Variants in FOXN2 observed in about 807,000 individuals in gnomAD.
FOXN2 encodes the protein forkhead box N2.
In FOXN2, 19 loss-of-function variants were observed where a neutral mutation model predicts 41.2. That is an observed-to-expected ratio of 0.46 (90% CI 0.32 to 0.68). The LOEUF is 0.68. Among genes scored for constraint, FOXN2 ranks in the 30% least tolerant of loss-of-function variants. The pLI, the probability that FOXN2 is intolerant of heterozygous loss-of-function variation, is 0.03. For missense variants in FOXN2, 587 were observed against 509.4 expected, an observed-to-expected ratio of 1.15 and a Z score of -1.47; for synonymous variants, 195 against 176.8, an observed-to-expected ratio of 1.10 and a Z score of -0.82.
intron 5 of FOXN2, among the ~76,000 whole-genome samples, chr2:48,370,589 T>C (rs1672826523): frequency 6.6e-6 from 1 of 152,182 alleles, no homozygotes; most frequent in Non-Finnish European, 1.5e-5. Context: ...TGACCATTTG[T>C]ATGTCTTCTT....
chr2:48,326,957 C>G (rs1448794523), intron 1 of FOXN2, among the ~76,000 whole-genome samples: 1 of 152,104 alleles, frequency 6.6e-6, no homozygotes, highest in Non-Finnish European at 1.5e-5. Context: ...AGTATTCAAC[C>G]TATACTACCT....
At chr2:48,365,616 C>T (rs1224191683) in intron 5 of FOXN2, among the ~76,000 whole-genome samples, 1 of 152,010 alleles carries the variant, frequency 6.6e-6, no homozygotes, top group African/African-American at 2.4e-5. Flanking sequence ...ACAGGTACTT[C>T]TTCTTCATCT....
At chr2:48,329,690 A>G (rs1669908270) in intron 2 of FOXN2, among the ~76,000 whole-genome samples, 1 of 152,176 alleles carries the variant, frequency 6.6e-6, no homozygotes, top group African/African-American at 2.4e-5. Context: ...ATCTTTTTGC[A>G]GTACATTTGG....
intron 1 of FOXN2, among the ~76,000 whole-genome samples, chr2:48,317,595 C>CTTTTTTT (rs574980247): frequency 0.044 from 1,526 of 34,778 alleles, 522 homozygotes; most frequent in Non-Finnish European, 0.072. Flanking sequence ...TATAGTATTG[C>CTTTTTTT]TTTTTTTTTT....
At chr2:48,373,219 AG>A in intron 5 of FOXN2, 72 bp from the exon 6 acceptor site, 1 of 1,032,698 alleles carries the variant, frequency 9.7e-7, no homozygotes, top group Non-Finnish European at 1.5e-6. Flanking sequence ...GGTTATCTTC[AG>A]GGGCATGCAA....
At chr2:48,345,076 A>G (rs2104363889) in intron 2 of FOXN2, among the ~76,000 whole-genome samples, 1 of 152,322 alleles carries the variant, frequency 6.6e-6, no homozygotes, top group Non-Finnish European at 1.5e-5. Flanking sequence ...GAAATGAAAA[A>G]AGAATAGTAA....
At chr2:48,373,592 A>G (rs1435439579) in intron 6 of FOXN2, among the ~76,000 whole-genome samples, 3 of 152,150 alleles carry the variant, frequency 2.0e-5, no homozygotes, top group Non-Finnish European at 4.4e-5. Flanking sequence ...AGAAAAATAT[A>G]TTTAGAAAAT....
intron 2 of FOXN2, among the ~76,000 whole-genome samples, chr2:48,342,376 C>T (rs1048448464): frequency 6.6e-6 from 1 of 150,804 alleles, no homozygotes; most frequent in African/African-American, 2.5e-5. Context: ...GTGTGTCCCT[C>T]CACACATCGT....
At chr2:48,355,885 C>G (rs1572752770) in intron 3 of FOXN2, among the ~76,000 whole-genome samples, 1 of 152,124 alleles carries the variant, frequency 6.6e-6, no homozygotes, top group African/African-American at 2.4e-5. Flanking sequence ...ATTTATTTGT[C>G]TCTGGATTTT....
In FOXN2 at chr2:48,355,818, TATC is replaced by T. The variant is rs146440199; in HGVS notation, c.538-3223_538-3221del. 1.9e-3 allele frequency among the ~76,000 whole-genome samples: 285 copies of T among 152,340 alleles called. 2 individuals are homozygous for T. The highest frequency in any genetic ancestry group is 6.4e-3 in the African/African-American group (266 of 41,586). On this transcript the variant is annotated intron_variant, in intron 3 of 6. Coordinates refer to ENST00000340553, the MANE Select transcript of FOXN2 (RefSeq NM_002158.4). ...CTGCTGATTAAGATGTTTTTCTCCC[TATC>T]ATCATACCATTTTTACTACTCTGAA...
chr2:48,365,898 T>G (rs915834530), intron 5 of FOXN2, among the ~76,000 whole-genome samples: 22 of 152,302 alleles, frequency 1.4e-4, no homozygotes, highest in African/African-American at 5.3e-4. Flanking sequence ...CTGAGGAAAT[T>G]TTCTCTTGCC....
chr2:48,321,762 A>G (rs570174500), intron 1 of FOXN2, among the ~76,000 whole-genome samples: 1 of 152,224 alleles, frequency 6.6e-6, no homozygotes, highest in South Asian at 2.1e-4. Context: ...TTAGTACATT[A>G]TACATGGTAA....
At chr2:48,373,223 G>A in intron 5 of FOXN2, 69 bp from the exon 6 acceptor site, 1 of 1,058,010 alleles carries the variant, frequency 9.5e-7, no homozygotes, top group South Asian at 1.4e-5. Flanking sequence ...ATCTTCAGGG[G>A]CATGCAAATA....
At chr2:48,314,242 G>C (rs1558602850), upstream of FOXN2, among the ~76,000 whole-genome samples, 1 of 152,256 alleles carries the variant, frequency 6.6e-6, no homozygotes, top group Non-Finnish European at 1.5e-5. Flanking sequence ...CCCTGCGGCA[G>C]CCTAGCCCCG....
At chr2:48,351,961 C>T (rs1315849799) in intron 3 of FOXN2, among the ~76,000 whole-genome samples, 1 of 152,104 alleles carries the variant, frequency 6.6e-6, no homozygotes, top group Non-Finnish European at 1.5e-5. Flanking sequence ...TAGGCATATT[C>T]TCTGTTGGTG....
intron 3 of FOXN2, among the ~76,000 whole-genome samples, chr2:48,353,076 T>C (rs1301288988): frequency 6.6e-6 from 1 of 152,190 alleles, no homozygotes; most frequent in Non-Finnish European, 1.5e-5. Flanking sequence ...GATGTGTGAC[T>C]TGGTAAAGTT....
At chr2:48,342,772 G>T (rs1670859101) in intron 2 of FOXN2, among the ~76,000 whole-genome samples, 1 of 152,156 alleles carries the variant, frequency 6.6e-6, no homozygotes, top group African/African-American at 2.4e-5. Flanking sequence ...GTTTATAAAC[G>T]GCTTTTTTTC....
At chr2:48,336,408 C>CAAAA (rs375315237) in intron 2 of FOXN2, among the ~76,000 whole-genome samples, 31,208 of 117,386 alleles carry the variant, frequency 0.27, 3,602 homozygotes, top group South Asian at 0.35. Flanking sequence ...CCTCAGTTTC[C>CAAAA]AAAAAAAAAA....
intron 2 of FOXN2, among the ~76,000 whole-genome samples, chr2:48,330,560 T>G (rs1275208449): frequency 6.6e-6 from 1 of 152,136 alleles, no homozygotes; most frequent in East Asian, 1.9e-4. Context: ...TTTTTAATAT[T>G]GGTTACTTGA....
Sources: gnomAD v4.1 joint callset for allele counts (sites outside exome capture counted in the v4.1 genomes callset) on GRCh38, gnomAD v4.1.1 for gene constraint, MANE v1.5 for transcripts, NCBI Gene and HGNC (gene_info 2026-07-23, HGNC 2026-07-21) for gene names.